The following CDH23 variants were observed in gnomAD, a reference collection of about 807,000 sequenced individuals.
The protein encoded by CDH23 is cadherin related 23.
CDH23 carries 189 observed loss-of-function variants against 317.1 expected under a neutral mutation model. The ratio of observed to expected loss-of-function variants is 0.60; its 90% CI spans 0.53 to 0.67. The LOEUF (loss-of-function observed/expected upper bound fraction) is 0.67. CDH23 is among the 30% of genes least tolerant of loss of function. CDH23 has a pLI of 0.00. For synonymous variants in CDH23, 1,839 were observed against 1,876.8 expected (o/e 0.98, Z 0.52); for missense variants, 4,401 against 4,592.4 (o/e 0.96, Z 1.20).
chr10:71,723,297 C>T (rs1285168988), intron 28 of CDH23, among the ~76,000 whole-genome samples: 1 of 152,148 alleles, frequency 6.6e-6, no homozygotes, highest in Non-Finnish European at 1.5e-5. Flanking sequence ...CAGTTATTGG[C>T]TTGACAGGAC....
chr10:71,707,164 C>G, intron 26 of CDH23, 115 bp downstream of exon 26: 9 of 1,543,374 alleles, frequency 5.8e-6, no homozygotes, highest in Non-Finnish European at 7.0e-6. Context: ...GAGGTCAGGG[C>G]TCTACTGTTG....
intron 11 of CDH23, among the ~76,000 whole-genome samples, chr10:71,639,591 A>C (rs572465308): frequency 6.6e-6 from 1 of 152,272 alleles, no homozygotes; most frequent in East Asian, 1.9e-4. Flanking sequence ...GGTGGGGGCA[A>C]ACTTGAGTTC....
intron 3 of CDH23, among the ~76,000 whole-genome samples, chr10:71,496,253 T>C (rs1284963769): frequency 2.0e-5 from 3 of 152,256 alleles, no homozygotes; most frequent in Non-Finnish European, 2.9e-5. Context: ...TTGAGATGCA[T>C]GGCCTCAAAG....
intron 22 of CDH23, among the ~76,000 whole-genome samples, chr10:71,699,609 C>T (rs1023180276): frequency 2.0e-5 from 3 of 152,262 alleles, no homozygotes; most frequent in African/African-American, 4.8e-5. Context: ...CTGGCTCCTG[C>T]AGCTGCCTTC....
chr10:71,743,415 T>A (rs1415400290), intron 38 of CDH23, among the ~76,000 whole-genome samples: 1 of 152,162 alleles, frequency 6.6e-6, no homozygotes, highest in Non-Finnish European at 1.5e-5. Flanking sequence ...TCTGGAGATG[T>A]TGGTCCAATA....
intron 1 of CDH23, among the ~76,000 whole-genome samples, chr10:71,431,663 T>C (rs79806750): frequency 0.023 from 3,445 of 152,352 alleles, 131 homozygotes; most frequent in African/African-American, 0.078. Context: ...TCAAACTAAA[T>C]CGTGGCACCA....
At chr10:71,591,425 G>A (rs912980590) in intron 9 of CDH23, among the ~76,000 whole-genome samples, 65 of 152,156 alleles carry the variant, frequency 4.3e-4, no homozygotes, top group Admixed American at 3.7e-3. Context: ...AACTGGGCTC[G>A]TGTCCCCACT....
At chr10:71,716,776 G>A (rs566642507) in intron 28 of CDH23, 2 of 166,442 alleles carry the variant, frequency 1.2e-5, no homozygotes, top group Admixed American at 1.3e-4. Flanking sequence ...TAATACCAAA[G>A]CTGCAAACTG....
chr10:71,629,449 C>G (rs1202632181), intron 11 of CDH23, among the ~76,000 whole-genome samples: 1 of 152,052 alleles, frequency 6.6e-6, no homozygotes, highest in East Asian at 1.9e-4. Context: ...GGCTCAGGGG[C>G]TGGGAGGGGA....
At chr10:71,420,128 T>G (rs1166566834) in intron 1 of CDH23, among the ~76,000 whole-genome samples, 3 of 152,244 alleles carry the variant, frequency 2.0e-5, no homozygotes, top group Non-Finnish European at 4.4e-5. Flanking sequence ...GGAAAGTTAC[T>G]GGAAGGCAGA....
chr10:71,739,600 C>T (rs775628554), intron 35 of CDH23, 44 bp from the exon 36 acceptor site: 2 of 1,599,578 alleles, frequency 1.3e-6, no homozygotes, highest in Non-Finnish European at 1.7e-6. Flanking sequence ...CTGGCCACCT[C>T]TCCTCCACAC....
intron 11 of CDH23, among the ~76,000 whole-genome samples, chr10:71,629,054 G>A (rs183863418): frequency 2.1e-4 from 32 of 152,348 alleles, no homozygotes; most frequent in Admixed American, 1.5e-3. Flanking sequence ...CAGGAACAAG[G>A]AAGAGATGCC....
At chr10:71,677,237 C>T (rs1230087846) in intron 15 of CDH23, among the ~76,000 whole-genome samples, 1 of 152,180 alleles carries the variant, frequency 6.6e-6, no homozygotes, top group African/African-American at 2.4e-5. Flanking sequence ...TCAGGCAACT[C>T]CTCCTGCCCA....
rs145247379 is a variant in CDH23 at position 71,632,492 on chromosome 10, G to A, written c.1135-11369G>A. Among the ~76,000 whole-genome samples the A allele has an allele frequency of 8.8e-4, 134 of 152,270 alleles. 1 individual carries two copies. The highest frequency in any genetic ancestry group is 3.4e-3 in the Middle Eastern group (1 of 294). On this transcript the variant is annotated intron_variant, in intron 11 of 69. Transcript: ENST00000224721. ...CCAGTGGGCAATGACAGAGAGCACC[G>A]GTGGGTGGGGACTGGACGAGGGGTC...
At chr10:71,807,438 C>A in intron 58 of CDH23, 32 bp downstream of exon 58, 5 of 1,613,266 alleles carry the variant, frequency 3.1e-6, no homozygotes, top group Non-Finnish European at 4.2e-6. Context: ...GCCCTGATTA[C>A]CCTGGGGCTA....
chr10:71,530,891 A>C (rs1478976967), intron 6 of CDH23, among the ~76,000 whole-genome samples: 1 of 152,256 alleles, frequency 6.6e-6, no homozygotes, highest in Admixed American at 6.5e-5. Flanking sequence ...ATAAAAAAGC[A>C]GAGACCCAGA....
At chr10:71,463,252 G>T (rs933377258) in intron 3 of CDH23, among the ~76,000 whole-genome samples, 18 of 152,168 alleles carry the variant, frequency 1.2e-4, no homozygotes, top group Non-Finnish European at 2.4e-4. Flanking sequence ...GGAGCCCAAG[G>T]GTGCCTGTCC....
intron 1 of CDH23, among the ~76,000 whole-genome samples, chr10:71,409,819 A>C (rs1848270018): frequency 6.6e-6 from 1 of 152,148 alleles, no homozygotes; most frequent in African/African-American, 2.4e-5. Flanking sequence ...GCTGCCCTGA[A>C]GTCTTAGAAC....
intron 38 of CDH23, among the ~76,000 whole-genome samples, chr10:71,757,947 C>G (rs933436326): frequency 2.6e-5 from 4 of 152,212 alleles, no homozygotes; most frequent in Non-Finnish European, 5.9e-5. Context: ...GCACCAACTT[C>G]TCTAGTCTCA....
Sources: gnomAD v4.1 joint callset for allele counts (sites outside exome capture counted in the v4.1 genomes callset) on GRCh38, gnomAD v4.1.1 for gene constraint, MANE v1.5 for transcripts, NCBI Gene and HGNC (gene_info 2026-07-23, HGNC 2026-07-21) for gene names.